The following FAM167A variants were observed in gnomAD, a reference collection of about 807,000 sequenced individuals.
FAM167A encodes protein FAM167A.
Under a neutral mutation model 14.9 loss-of-function variants are expected in FAM167A, and 23 were observed. That is an observed-to-expected ratio of 1.55 (90% CI 1.11 to 2.19). The LOEUF (loss-of-function observed/expected upper bound fraction) is 2.19. Ranked by LOEUF, FAM167A falls within the 30% of genes most tolerant of loss-of-function variation. The pLI, the probability that FAM167A is intolerant of heterozygous loss-of-function variation, is 0.00. For missense variants in FAM167A, 401 were observed against 281.5 expected, an observed-to-expected ratio of 1.42 and a Z score of -3.04; for synonymous variants, 174 against 117.7, an observed-to-expected ratio of 1.48 and a Z score of -3.10.
intron 2 of FAM167A, among the ~76,000 whole-genome samples, chr8:11,437,431 C>T (rs971554416): frequency 6.6e-6 from 1 of 152,184 alleles, no homozygotes; most frequent in Non-Finnish European, 1.5e-5. Context: ...AACGCGCTGC[C>T]AAGTAGGGAT....
intron 1 of FAM167A, among the ~76,000 whole-genome samples, chr8:11,451,365 C>A (rs1478022171): frequency 1.3e-5 from 2 of 151,204 alleles, no homozygotes; most frequent in East Asian, 3.8e-4. Flanking sequence ...ACAGCGTATA[C>A]CTTCCGCCTT....
chr8:11,446,277 A>C (rs2409766), intron 1 of FAM167A: 131,027 of 152,174 alleles, frequency 0.86, 56,800 homozygotes, highest in African/African-American at 0.95. Context: ...GGGGATGTGA[A>C]TGGAGGACGT....
At chr8:11,461,395 G>T (rs1055923452) in intron 1 of FAM167A, among the ~76,000 whole-genome samples, 1 of 152,268 alleles carries the variant, frequency 6.6e-6, no homozygotes, top group African/African-American at 2.4e-5. Context: ...GCCTGCTGCC[G>T]CCCCGCCAAC....
intron 2 of FAM167A, among the ~76,000 whole-genome samples, chr8:11,425,441 C>G (rs895056464): frequency 2.6e-5 from 4 of 152,162 alleles, no homozygotes; most frequent in Non-Finnish European, 5.9e-5. Context: ...TGCTCAAGGA[C>G]GAGCTGCAGT....
chr8:11,454,079 T>C (rs975967360), intron 1 of FAM167A, among the ~76,000 whole-genome samples: 1 of 152,208 alleles, frequency 6.6e-6, no homozygotes, highest in Non-Finnish European at 1.5e-5. Context: ...AAGAATTAGC[T>C]ACACTGTGAC....
At position 11,444,740 on chromosome 8, in the gene FAM167A, C is replaced by T. The variant is rs1369474226; in HGVS notation, c.-329G>A. 10 of 1,067,710 alleles carry T rather than the reference C, an allele frequency of 9.4e-6. No individual in the cohort carries two copies. In the African/African-American group the frequency reaches 1.2e-4, roughly 12 times the overall value. The allele number at this position is 1,067,710 out of a possible 1,614,324, so 66.1% of individuals were successfully genotyped here. On this transcript the variant is annotated 5_prime_UTR_variant, in exon 2 of 3. Coordinates refer to ENST00000284486, the MANE Select transcript of FAM167A (RefSeq NM_053279.3). ...AAGGTCTATCTGTCCTGAACGCACT[C>T]GAAGACCAGACTGGCAGGAAGAAGG...
At chr8:11,453,649 G>A (rs1807114838) in intron 1 of FAM167A, among the ~76,000 whole-genome samples, 1 of 152,164 alleles carries the variant, frequency 6.6e-6, no homozygotes, top group Admixed American at 6.5e-5. Flanking sequence ...CCGGGTCAGA[G>A]GCTCTGTGAC....
chr8:11,471,447 C>A (rs545488331), upstream of FAM167A, among the ~76,000 whole-genome samples: 1 of 152,082 alleles, frequency 6.6e-6, no homozygotes, highest in South Asian at 2.1e-4. Flanking sequence ...GGTGATGAGG[C>A]CCCCCGCATG....
chr8:11,443,988 G>T, intron 2 of FAM167A, 43 bp downstream of exon 2: 1 of 1,571,288 alleles, frequency 6.4e-7, no homozygotes, highest in Non-Finnish European at 8.6e-7. Context: ...GAGAGACGGT[G>T]GCATCTCCTC....
intron 1 of FAM167A, among the ~76,000 whole-genome samples, chr8:11,458,487 G>A (rs1807416139): frequency 6.6e-6 from 1 of 152,036 alleles, no homozygotes; most frequent in Non-Finnish European, 1.5e-5. Context: ...GTTCTGAAGG[G>A]ACCATGAGTC....
intron 1 of FAM167A, among the ~76,000 whole-genome samples, chr8:11,454,492 G>C (rs531993605): frequency 6.6e-6 from 1 of 152,250 alleles, no homozygotes; most frequent in East Asian, 1.9e-4. Flanking sequence ...GACAAAGGCA[G>C]GGGCCATGAG....
At chr8:11,443,262 C>A (rs1268406991) in intron 2 of FAM167A, among the ~76,000 whole-genome samples, 2 of 152,222 alleles carry the variant, frequency 1.3e-5, no homozygotes, top group Admixed American at 6.5e-5. Flanking sequence ...GCTCTGCCCC[C>A]CCACCCTGTT....
intron 2 of FAM167A, among the ~76,000 whole-genome samples, chr8:11,436,415 G>C (rs554479768): frequency 1.3e-5 from 2 of 152,196 alleles, no homozygotes; most frequent in East Asian, 1.9e-4. Context: ...GCCCAGGTAC[G>C]GCTGTTCTTG....
intron 2 of FAM167A, among the ~76,000 whole-genome samples, chr8:11,441,115 G>A (rs557019344): frequency 5.9e-5 from 9 of 152,284 alleles, no homozygotes; most frequent in South Asian, 2.1e-4. Context: ...CCTCAGAGTC[G>A]CAATCTTCTG....
intron 2 of FAM167A, among the ~76,000 whole-genome samples, chr8:11,435,725 A>C (rs1805959846): frequency 6.6e-6 from 1 of 152,218 alleles, no homozygotes; most frequent in Non-Finnish European, 1.5e-5. Context: ...ACCCTGGGCA[A>C]GTCACCCCAC....
At chr8:11,429,329 T>C (rs1268144001) in intron 2 of FAM167A, among the ~76,000 whole-genome samples, 1 of 152,246 alleles carries the variant, frequency 6.6e-6, no homozygotes, top group East Asian at 1.9e-4. Flanking sequence ...ATGTCTTTGC[T>C]GGTCCTGTGT....
At position 11,466,702 on chromosome 8, in the gene FAM167A, C is replaced by G. The variant is rs990323593; in HGVS notation, c.-474G>C. ...TCCTCCTGCGCGGGTCCGCGCTGCCCGGCCTCAGCTCAGGGCTCCCGCCTC... is the reference window on the plus strand; with the variant it reads ...TCCTCCTGCGCGGGTCCGCGCTGCCGGGCCTCAGCTCAGGGCTCCCGCCTC... On this transcript the variant is annotated 5_prime_UTR_variant, in exon 1 of 3. Coordinates refer to ENST00000284486, the MANE Select transcript of FAM167A (RefSeq NM_053279.3). 1.3e-5 allele frequency: 2 copies of G among 152,432 alleles called. No individual in the cohort carries two copies. The highest frequency in any genetic ancestry group is 4.8e-5 in the African/African-American group (2 of 41,468). The allele number at this position is 152,432 out of a possible 1,614,324, so 9.4% of individuals were successfully genotyped here.
rs1351238771 is a variant in FAM167A at position 11,444,488 on chromosome 8, G to A, written c.-77C>T. On this transcript the variant is annotated 5_prime_UTR_variant, in exon 2 of 3. Coordinates refer to ENST00000284486, the MANE Select transcript of FAM167A (RefSeq NM_053279.3). ...GGAGGCTTGGTGGGTGGCACAGTTG[G>A]GTCCCGCTCTGGGATGGCCTCATCC... is the stretch of plus-strand genomic sequence containing the variant. 1 of 1,495,864 alleles carries A rather than the reference G, an allele frequency of 6.7e-7. No homozygotes were observed. Among genetic ancestry groups the A allele is most frequent in the Non-Finnish European group, 8.9e-7 (1 of 1,128,272 alleles). The allele number at this position is 1,495,864 out of a possible 1,614,324, so 92.7% of individuals were successfully genotyped here. A position where few individuals can be genotyped will look rare whatever the true frequency, so the allele number is the denominator to read the frequency against.
chr8:11,469,882 A>AAATAAATT (rs1329283307), upstream of FAM167A, among the ~76,000 whole-genome samples: 1,645 of 26,642 alleles, frequency 0.062, 31 homozygotes, highest in African/African-American at 0.21. Flanking sequence ...CCTGTCTCAA[A>AAATAAATT]AATAAATAAA....
Sources: allele counts gnomAD v4.1 joint callset (sites outside exome capture counted in the v4.1 genomes callset), GRCh38; gene constraint gnomAD v4.1.1; transcripts MANE v1.5; gene names NCBI Gene and HGNC (gene_info 2026-07-23, HGNC 2026-07-21).